Variants in SCHIP1 observed in about 807,000 individuals in gnomAD.
The protein encoded by SCHIP1 is schwannomin-interacting protein 1.
A neutral mutation model predicts 29.7 loss-of-function variants in SCHIP1; 8 were observed. The ratio of observed to expected loss-of-function variants is 0.27; its 90% CI spans 0.16 to 0.49. SCHIP1 has a LOEUF of 0.49. Ranked by LOEUF, SCHIP1 falls within the 20% of genes least tolerant of loss-of-function variation. The probability of loss-of-function intolerance (pLI) is 0.99; values close to 1 mark genes in which losing one functional copy is unlikely to be tolerated. For synonymous variants in SCHIP1, 76 were observed against 94.9 expected, an observed-to-expected ratio of 0.80 and a Z score of 1.16; for missense variants, 193 against 294.6, an observed-to-expected ratio of 0.66 and a Z score of 2.52.
At chr3:159,668,376 CA>C in the SCHIP1 span, among the ~76,000 whole-genome samples, 897 of 46,418 alleles carry the variant, frequency 0.019, 8 homozygotes, top group African/African-American at 0.056. Flanking sequence ...GACTCCGTCT[CA>C]AAAAAAAAAA....
chr3:159,840,937 G>A (rs182148229), intron 1 of SCHIP1, among the ~76,000 whole-genome samples: 1 of 152,338 alleles, frequency 6.6e-6, no homozygotes, highest in African/African-American at 2.4e-5. Context: ...GACTTGGACT[G>A]TTGAGGCAAC....
chr3:159,421,248 T>A, the SCHIP1 span, among the ~76,000 whole-genome samples: 32 of 152,234 alleles, frequency 2.1e-4, no homozygotes, highest in Non-Finnish European at 3.7e-4. Context: ...CTTACCTAGC[T>A]GGAATGTATA....
the SCHIP1 span, among the ~76,000 whole-genome samples, chr3:159,304,383 G>T: frequency 6.6e-6 from 1 of 152,120 alleles, no homozygotes; most frequent in Non-Finnish European, 1.5e-5. Context: ...GGTTATATCC[G>T]TGTTGGGTAT....
the SCHIP1 span, among the ~76,000 whole-genome samples, chr3:159,327,922 G>A: frequency 6.6e-6 from 1 of 152,210 alleles, no homozygotes; most frequent in African/African-American, 2.4e-5. Context: ...GCCTCCATCA[G>A]TGAAGTAGTT....
At chr3:159,851,604 A>T (rs1259415862) in intron 1 of SCHIP1, among the ~76,000 whole-genome samples, 1 of 152,160 alleles carries the variant, frequency 6.6e-6, no homozygotes, top group Admixed American at 6.5e-5. Flanking sequence ...CCTTCATTTT[A>T]ACTAACCTCC....
At chr3:159,825,743 A>G in the SCHIP1 span, among the ~76,000 whole-genome samples, 1 of 152,178 alleles carries the variant, frequency 6.6e-6, no homozygotes, top group African/African-American at 2.4e-5. Context: ...AGTGGAGCAA[A>G]TCAACGTTAC....
At chr3:159,739,684 A>G in the SCHIP1 span, among the ~76,000 whole-genome samples, 5 of 152,266 alleles carry the variant, frequency 3.3e-5, no homozygotes, top group East Asian at 7.7e-4. Context: ...TTGCATATCT[A>G]TCTGCATTTC....
At chr3:159,402,013 A>G in the SCHIP1 span, among the ~76,000 whole-genome samples, 16 of 152,194 alleles carry the variant, frequency 1.1e-4, no homozygotes, top group Admixed American at 8.5e-4. Flanking sequence ...ATGGGAGAAA[A>G]TTTTTGCAAC....
the SCHIP1 span, among the ~76,000 whole-genome samples, chr3:159,742,834 A>ATTTTTTT: frequency 4.5e-5 from 5 of 110,828 alleles, no homozygotes; most frequent in African/African-American, 1.9e-4. Flanking sequence ...CGCCTAGCTA[A>ATTTTTTT]TTTTTTTTTT....
At chr3:159,519,515 C>T in the SCHIP1 span, among the ~76,000 whole-genome samples, 2,079 of 152,194 alleles carry the variant, frequency 0.014, 49 homozygotes, top group African/African-American at 0.047. Context: ...CCAACAAGAA[C>T]TCATTGTAAT....
the SCHIP1 span, among the ~76,000 whole-genome samples, chr3:159,775,167 T>TC: frequency 4.2e-4 from 64 of 152,346 alleles, no homozygotes; most frequent in African/African-American, 1.5e-3. Context: ...AGATGATTGA[T>TC]CCCTTCAAAA....
chr3:159,804,140 A>C, the SCHIP1 span, among the ~76,000 whole-genome samples: 30 of 152,056 alleles, frequency 2.0e-4, no homozygotes, highest in African/African-American at 6.3e-4. Flanking sequence ...GGCTCCCTTC[A>C]CCCTCTCAGT....
chr3:159,623,337 T>A, the SCHIP1 span, among the ~76,000 whole-genome samples: 1 of 152,142 alleles, frequency 6.6e-6, no homozygotes, highest in South Asian at 2.1e-4. Context: ...TTTAAAGTTG[T>A]TATAATGTTG....
chr3:159,523,120 C>T, the SCHIP1 span, among the ~76,000 whole-genome samples: 1 of 152,150 alleles, frequency 6.6e-6, no homozygotes, highest in Non-Finnish European at 1.5e-5. Context: ...TCTCAGATAT[C>T]ATAATATTTC....
chr3:159,695,974 G>T, the SCHIP1 span, among the ~76,000 whole-genome samples: 1 of 151,866 alleles, frequency 6.6e-6, no homozygotes, highest in Non-Finnish European at 1.5e-5. Flanking sequence ...TTGCCCTACC[G>T]CACCCCCCAC....
the SCHIP1 span, among the ~76,000 whole-genome samples, chr3:159,616,761 G>C: frequency 6.6e-6 from 1 of 152,014 alleles, no homozygotes; most frequent in African/African-American, 2.4e-5. Context: ...TTGCAAGTTG[G>C]TTGAGGCTCT....
chr3:159,395,286 AT>A, the SCHIP1 span, among the ~76,000 whole-genome samples: 7 of 152,004 alleles, frequency 4.6e-5, no homozygotes, highest in Admixed American at 6.6e-5. Flanking sequence ...AGATTCATTA[AT>A]TTTTTGAAGG....
the SCHIP1 span, among the ~76,000 whole-genome samples, chr3:159,589,932 T>C: frequency 1.3e-5 from 2 of 152,186 alleles, no homozygotes; most frequent in African/African-American, 2.4e-5. Context: ...GGAAAAAGTA[T>C]GAGCAAGTGA....
chr3:159,544,970 C>G, the SCHIP1 span, among the ~76,000 whole-genome samples: 5 of 152,214 alleles, frequency 3.3e-5, no homozygotes, highest in African/African-American at 1.2e-4. Flanking sequence ...TTTAACATTT[C>G]ACTTTCACAT....
Sources: gnomAD v4.1 joint callset for allele counts (sites outside exome capture counted in the v4.1 genomes callset) on GRCh38, gnomAD v4.1.1 for gene constraint, MANE v1.5 for transcripts, NCBI Gene and HGNC (gene_info 2026-07-23, HGNC 2026-07-21) for gene names.